The following NTRK3 variants were observed in gnomAD, a reference collection of about 807,000 sequenced individuals.
The protein encoded by NTRK3 is neurotrophic receptor tyrosine kinase 3, also known as NT-3 growth factor receptor.
NTRK3 carries 24 observed loss-of-function variants against 91.7 expected under a neutral mutation model. That is an observed-to-expected ratio of 0.26 (90% CI 0.19 to 0.37). The LOEUF (loss-of-function observed/expected upper bound fraction) is 0.37. NTRK3 is among the 10% of genes least tolerant of loss of function. NTRK3 has a pLI of 1.00. For synonymous variants in NTRK3, 483 were observed against 404.0 expected, an observed-to-expected ratio of 1.20 and a Z score of -2.34; for missense variants, 880 against 1,068.9, an observed-to-expected ratio of 0.82 and a Z score of 2.46.
intron 3 of NTRK3, among the ~76,000 whole-genome samples, chr15:88,229,065 T>C (rs990671856): frequency 3.3e-5 from 5 of 152,168 alleles, no homozygotes; most frequent in African/African-American, 1.2e-4. Flanking sequence ...GCTAAGAGAA[T>C]GGCAGAGACT....
exon 19 of NTRK3, chr15:87,868,057 CAT>C (rs763593833): frequency 4.3e-6 from 1 of 231,444 alleles, no homozygotes; most frequent in Non-Finnish European, 8.5e-6. Context: ...AGAAATCACA[CAT>C]GTGATGCACA....
At chr15:88,063,732 G>A (rs936764077) in intron 13 of NTRK3, among the ~76,000 whole-genome samples, 2 of 152,230 alleles carry the variant, frequency 1.3e-5, no homozygotes, top group African/African-American at 4.8e-5. Flanking sequence ...CATCTCGCAT[G>A]TGGTGGTGTT....
chr15:87,868,218 A>C (rs2064740135), exon 19 of NTRK3: 1 of 230,304 alleles, frequency 4.3e-6, no homozygotes, highest in Non-Finnish European at 8.6e-6. Context: ...TAAATAATTA[A>C]AAACGTGAAT....
chr15:88,173,310 C>T (rs1191441027), intron 5 of NTRK3, among the ~76,000 whole-genome samples: 1 of 152,194 alleles, frequency 6.6e-6, no homozygotes, highest in Non-Finnish European at 1.5e-5. Context: ...CTTATCTACT[C>T]TGGCCCATAT....
At position 87,997,663 on chromosome 15, in the gene NTRK3, C is replaced by T. The variant is rs1217165549; in HGVS notation, c.1585+35194G>A. 2.0e-5 allele frequency among the ~76,000 whole-genome samples: 3 copies of T among 152,218 alleles called. No homozygotes were observed. In the East Asian group the frequency reaches 5.8e-4, roughly 29 times the overall value. On this transcript the variant is annotated intron_variant, in intron 14 of 18. Coordinates refer to ENST00000394480, the Ensembl canonical transcript of NTRK3. ...GATCAAGTGTTATCATTATACAATA[C>T]TTTTGATGGATATGTGTTCTTTGAT... is the stretch of plus-strand genomic sequence containing the variant.
At position 88,147,049 on chromosome 15, in the gene NTRK3, T is replaced by C. The variant is rs1332955657; in HGVS notation, c.464+286A>G. On this transcript the variant is annotated intron_variant, in intron 6 of 18. Transcript: ENST00000394480. ...TTTATTATAAATTCTTTATTATAAG[T>C]ATTTATACTATTATAACTAATTATC... Among the ~76,000 whole-genome samples the C allele has an allele frequency of 7.9e-5, 12 of 152,152 alleles. 1 individual carries two copies. The highest frequency in any genetic ancestry group is 7.9e-4 in the Admixed American group (12 of 15,272).
intron 3 of NTRK3, among the ~76,000 whole-genome samples, chr15:88,244,726 A>G (rs1258362674): frequency 1.3e-5 from 2 of 152,228 alleles, no homozygotes; most frequent in Admixed American, 1.3e-4. Context: ...GAGTGGATTG[A>G]AAGGATTTTA....
chr15:87,861,172 G>A (rs2064513523), exon 19 of NTRK3: 1 of 222,804 alleles, frequency 4.5e-6, no homozygotes, highest in Non-Finnish European at 9.0e-6. Flanking sequence ...AAACACACAT[G>A]AACACATGGG....
At chr15:88,065,077 C>T (rs2046532822) in intron 13 of NTRK3, among the ~76,000 whole-genome samples, 1 of 152,160 alleles carries the variant, frequency 6.6e-6, no homozygotes, top group African/African-American at 2.4e-5. Flanking sequence ...CCCAGTATGG[C>T]TCAGTAGTGT....
intron 13 of NTRK3, among the ~76,000 whole-genome samples, chr15:88,105,759 A>G (rs562598032): frequency 6.6e-6 from 1 of 152,248 alleles, no homozygotes; most frequent in Admixed American, 6.5e-5. Flanking sequence ...AGATCCCTAA[A>G]ACTAAGCCAG....
intron 13 of NTRK3, among the ~76,000 whole-genome samples, chr15:88,034,693 AG>A (rs954631323): frequency 6.6e-6 from 1 of 152,204 alleles, no homozygotes; most frequent in African/African-American, 2.4e-5. Context: ...CCAATGAGGC[AG>A]AACTAAATGG....
At chr15:88,054,941 G>A (rs964202795) in intron 13 of NTRK3, among the ~76,000 whole-genome samples, 2 of 152,154 alleles carry the variant, frequency 1.3e-5, no homozygotes, top group Non-Finnish European at 2.9e-5. Flanking sequence ...GGCTGAGAGA[G>A]ATGTAGATCT....
At chr15:88,247,496 C>G (rs2141970841) in intron 3 of NTRK3, among the ~76,000 whole-genome samples, 1 of 152,342 alleles carries the variant, frequency 6.6e-6, no homozygotes, top group South Asian at 2.1e-4. Context: ...GATCTTCTCT[C>G]TAACTCAGAA....
chr15:88,143,620 G>T lies in NTRK3; in HGVS notation c.464+3715C>A, dbSNP rs373343068. 1.2e-3 allele frequency among the ~76,000 whole-genome samples: 184 copies of T among 152,222 alleles called. 1 individual carries two copies. The highest frequency in any genetic ancestry group is 4.1e-3 in the African/African-American group (169 of 41,530). On this transcript the variant is annotated intron_variant, in intron 6 of 18. Coordinates refer to ENST00000394480, the Ensembl canonical transcript of NTRK3. ...TCCTTCTTCACAAATTTATTAGGAG[G>T]ATTCATGATAATATATGTTAGCATG...
intron 14 of NTRK3, among the ~76,000 whole-genome samples, chr15:87,963,422 G>C (rs944755508): frequency 2.6e-5 from 4 of 152,326 alleles, no homozygotes; most frequent in South Asian, 2.1e-4. Flanking sequence ...TGTTTATTAA[G>C]ACTGTGGGGA....
chr15:87,955,733 G>T (rs2071588282), intron 14 of NTRK3, among the ~76,000 whole-genome samples: 1 of 152,288 alleles, frequency 6.6e-6, no homozygotes. Context: ...TAGTGGTACT[G>T]GGCAGAAAAG....
intron 13 of NTRK3, among the ~76,000 whole-genome samples, chr15:88,089,847 C>G (rs572564538): frequency 6.6e-6 from 1 of 152,196 alleles, no homozygotes; most frequent in Non-Finnish European, 1.5e-5. Context: ...GTTACACCCT[C>G]CACAGTCTCC....
At chr15:88,247,126 T>C (rs1270440881) in intron 3 of NTRK3, among the ~76,000 whole-genome samples, 1 of 152,200 alleles carries the variant, frequency 6.6e-6, no homozygotes, top group African/African-American at 2.4e-5. Context: ...CTCCCCCAGA[T>C]ACACGCACGC....
chr15:88,167,463 A>G (rs1266976319), intron 5 of NTRK3, among the ~76,000 whole-genome samples: 1 of 152,202 alleles, frequency 6.6e-6, no homozygotes, highest in Non-Finnish European at 1.5e-5. Context: ...TACTACTTCT[A>G]GCTGTGTGGT....
Sources: gnomAD v4.1 joint callset for allele counts (sites outside exome capture counted in the v4.1 genomes callset) on GRCh38, gnomAD v4.1.1 for gene constraint, MANE v1.5 for transcripts, NCBI Gene and HGNC (gene_info 2026-07-23, HGNC 2026-07-21) for gene names.